ZNF821: variants seen among roughly 807,000 people sequenced by gnomAD.
The protein encoded by ZNF821 is zinc finger protein 821.
ZNF821 carries 16 observed loss-of-function variants against 44.3 expected under a neutral mutation model. That is an observed-to-expected ratio of 0.36 (90% CI 0.24 to 0.55). The LOEUF (loss-of-function observed/expected upper bound fraction) is 0.55. ZNF821 is among the 20% of genes least tolerant of loss of function. The pLI is 0.86. For missense variants in ZNF821, 436 were observed against 547.6 expected (o/e 0.80, Z 2.03); for synonymous variants, 204 against 197.6 (o/e 1.03, Z -0.27).
intron 1 of ZNF821, among the ~76,000 whole-genome samples, chr16:71,890,913 A>T (rs2036881716): frequency 6.6e-6 from 1 of 151,508 alleles, no homozygotes; most frequent in Non-Finnish European, 1.5e-5. Flanking sequence ...CTGGGACTAC[A>T]GGCGCCCGCA....
chr16:71,859,722 T>C lies in ZNF821; in HGVS notation c.*296A>G, dbSNP rs1597114632. 1.8e-5 allele frequency: 7 copies of C among 388,828 alleles called. No individual in the cohort carries two copies. In the East Asian group the frequency reaches 2.3e-4, roughly 13 times the overall value. 24.1% of individuals were successfully genotyped at this position (388,828 alleles called of 1,614,324 possible). On this transcript the variant is annotated 3_prime_UTR_variant, in exon 8 of 8. Transcript: ENST00000425432. ...TAATTTATTTGACTTCACAACTTCA[T>C]GGGCCACACAGGGGCCCCACAGTCC...
At chr16:71,887,856 C>CTTTTT (rs555295344), upstream of ZNF821, among the ~76,000 whole-genome samples, 1 of 133,636 alleles carries the variant, frequency 7.5e-6, no homozygotes, top group Non-Finnish European at 1.6e-5. Context: ...ATTGAGTTGT[C>CTTTTT]TTTTTTTTTT....
At chr16:71,879,816 A>C in intron 3 of ZNF821, 91 bp downstream of exon 3, 2 of 1,217,424 alleles carry the variant, frequency 1.6e-6, no homozygotes, top group Non-Finnish European at 2.3e-6. Flanking sequence ...TTCTTCACAA[A>C]TTAGCGTGAG....
At chr16:71,870,308 T>G (rs565774495) in intron 3 of ZNF821, among the ~76,000 whole-genome samples, 1 of 151,894 alleles carries the variant, frequency 6.6e-6, no homozygotes, top group East Asian at 1.9e-4. Context: ...TAAGCTGTTT[T>G]AAGTCCATCT....
intron 3 of ZNF821, among the ~76,000 whole-genome samples, chr16:71,872,441 G>A (rs974147751): frequency 6.6e-5 from 10 of 151,990 alleles, no homozygotes; most frequent in South Asian, 2.1e-4. Flanking sequence ...GTGAAACCCC[G>A]TCTCTACTAA....
In ZNF821 at chr16:71,883,160, G is replaced by GA. The variant is rs762119779; in HGVS notation, c.-78+50dup. On this transcript the variant is annotated intron_variant, in intron 2 of 7. Coordinates refer to ENST00000425432, the MANE Select transcript of ZNF821 (RefSeq NM_001201552.2). ...TAGGGCACACCACAGACTTTGGCAA[G>GA]AAAAAAAACGAGTGAAATCTCAGCT... 33 of 456,008 alleles carry GA rather than the reference G, an allele frequency of 7.2e-5. No individual in the cohort carries two copies. The Middle Eastern group carries it at 9.8e-4, about 14-fold the overall frequency. 28.2% of individuals were successfully genotyped at this position (456,008 alleles called of 1,614,324 possible).
chr16:71,864,983 C>T lies in ZNF821; in HGVS notation c.232G>A (p.Asp78Asn). The change falls in exon 5 of 8, where the codon GAT (aspartate) becomes AAT (asparagine). Residue 78 changes from aspartate to asparagine, a missense_variant. Asp to Asn is a conservative substitution (Grantham distance 23). Around this residue, in one of 5 missense-constraint regions of ZNF821, gnomAD observed 238 missense variants for 281.4 expected, o/e 0.85. Coordinates refer to ENST00000425432, the MANE Select transcript of ZNF821 (RefSeq NM_001201552.2). ...TTCTCCACTTTGACCACCCCTCCAT[C>T]TTCCTCTGATGTGTGGGAAGAGACT... The part of the protein sequence containing the change: ...DEVSSHTSEE[D>N]GGVVKVEKEL... 6.2e-7 allele frequency: 1 copy of T among 1,614,230 alleles called. No individual in the cohort carries two copies. The highest frequency in any genetic ancestry group is 8.5e-7 in the Non-Finnish European group (1 of 1,180,052).
intron 6 of ZNF821, among the ~76,000 whole-genome samples, chr16:71,863,401 CTTT>C (rs372197045): frequency 4.6e-5 from 5 of 108,588 alleles, no homozygotes; most frequent in Non-Finnish European, 8.9e-5. Flanking sequence ...AGCAGAATCT[CTTT>C]TTTTTTTTTT....
chr16:71,868,515 C>T (rs1321862310), intron 3 of ZNF821, among the ~76,000 whole-genome samples: 1 of 152,168 alleles, frequency 6.6e-6, no homozygotes, highest in Non-Finnish European at 1.5e-5. Flanking sequence ...TTCTAAATAA[C>T]AATCTCTCTA....
chr16:71,879,767 C>G lies in ZNF821; in HGVS notation c.40+140G>C, dbSNP rs989265306. 4 of 808,310 alleles carry G rather than the reference C, an allele frequency of 4.9e-6. No homozygotes were observed. In the East Asian group the frequency reaches 1.1e-4, roughly 22 times the overall value. 50.1% of individuals were successfully genotyped at this position (808,310 alleles called of 1,614,324 possible). A position where few individuals can be genotyped will look rare whatever the true frequency, so the allele number is the denominator to read the frequency against. Reference sequence around the variant, plus strand: ...CCTTTTTCTTTCTTTCTTTTTTTCTCTTCTGCTCAGCAAACTGTGTTTTAC... The same window carrying G: ...CCTTTTTCTTTCTTTCTTTTTTTCTGTTCTGCTCAGCAAACTGTGTTTTAC... On this transcript the variant is annotated intron_variant, in intron 3 of 7. Transcript: ENST00000425432.
intron 3 of ZNF821, among the ~76,000 whole-genome samples, chr16:71,873,651 A>T (rs1411524959): frequency 2.0e-5 from 3 of 151,912 alleles, no homozygotes; most frequent in African/African-American, 4.8e-5. Context: ...ATTCTTTTTT[A>T]AAAATATATA....
upstream of ZNF821, among the ~76,000 whole-genome samples, chr16:71,887,483 G>T (rs980101075): frequency 6.6e-6 from 1 of 152,098 alleles, no homozygotes; most frequent in Non-Finnish European, 1.5e-5. Context: ...GGATGGTCTT[G>T]ATCTCCTGAC....
chr16:71,867,696 A>G (rs2034709207), intron 4 of ZNF821, among the ~76,000 whole-genome samples: 1 of 151,990 alleles, frequency 6.6e-6, no homozygotes, highest in Non-Finnish European at 1.5e-5. Context: ...CAAAAAAAAA[A>G]AAGTATATAT....
At chr16:71,871,212 G>A (rs959980694) in intron 3 of ZNF821, among the ~76,000 whole-genome samples, 2 of 152,288 alleles carry the variant, frequency 1.3e-5, no homozygotes, top group East Asian at 3.9e-4. Context: ...GTGTAACCGG[G>A]AGAAGTTAAT....
rs1294374026 is a variant in ZNF821 at position 71,890,166 on chromosome 16, A to T, written n.448+4723T>A. 3.3e-5 allele frequency among the ~76,000 whole-genome samples: 5 copies of T among 152,160 alleles called. No homozygotes were observed. In the East Asian group the frequency reaches 9.7e-4, roughly 29 times the overall value. ...TGTTTCATGGGTTCTTTAACAAGTG[A>T]TCTTGATTTTTTTTTCCTAGGCTTT... is the stretch of plus-strand genomic sequence containing the variant. On this transcript the variant is annotated intron_variant and non_coding_transcript_variant, in intron 1 of 2. Coordinates refer to the ZNF821 transcript ENST00000561700.
intron 6 of ZNF821, among the ~76,000 whole-genome samples, chr16:71,862,806 C>T (rs925719982): frequency 6.6e-6 from 1 of 152,154 alleles, no homozygotes; most frequent in Non-Finnish European, 1.5e-5. Flanking sequence ...GGTACAGGTG[C>T]CCTGTGATTG....
chr16:71,861,279 T>C (rs2033853601), intron 7 of ZNF821, among the ~76,000 whole-genome samples: 1 of 152,218 alleles, frequency 6.6e-6, no homozygotes, highest in African/African-American at 2.4e-5. Context: ...GATAAGAGCT[T>C]TGCAGGGGCA....
upstream of ZNF821, among the ~76,000 whole-genome samples, chr16:71,887,158 G>A (rs1004110128): frequency 1.3e-5 from 2 of 151,442 alleles, no homozygotes; most frequent in Non-Finnish European, 2.9e-5. Flanking sequence ...TTTGTGTACA[G>A]TTTTTGTGTA....
intron 1 of ZNF821, chr16:71,883,686 G>C (rs1276817315): frequency 1.3e-5 from 2 of 152,198 alleles, no homozygotes; most frequent in Non-Finnish European, 2.9e-5. Context: ...CCCGCACCCC[G>C]CGCCCCGCGC....
Sources: allele counts gnomAD v4.1 joint callset (sites outside exome capture counted in the v4.1 genomes callset), GRCh38; gene constraint gnomAD v4.1.1; regional missense constraint gnomAD v4.1.1; transcripts MANE v1.5; gene names NCBI Gene and HGNC (gene_info 2026-07-23, HGNC 2026-07-21).